VPS39: variants seen among roughly 807,000 people sequenced by gnomAD.
VPS39 encodes the protein VPS39 subunit of HOPS complex.
In VPS39, 70 loss-of-function variants were observed where a neutral mutation model predicts 121.0. That is an observed-to-expected ratio of 0.58 (90% confidence interval 0.48 to 0.71). VPS39 has a LOEUF of 0.71. Ranked by LOEUF, VPS39 falls within the 30% of genes least tolerant of loss-of-function variation. The probability of loss-of-function intolerance (pLI) is 0.00; values close to 1 mark genes in which losing one functional copy is unlikely to be tolerated. For missense variants in VPS39, 818 were observed against 1,051.5 expected (o/e 0.78, Z 3.07); for synonymous variants, 378 against 398.1 (o/e 0.95, Z 0.60).
chr15:42,173,328 A>G (rs2049382930), intron 11 of VPS39, among the ~76,000 whole-genome samples: 1 of 152,244 alleles, frequency 6.6e-6, no homozygotes, highest in Non-Finnish European at 1.5e-5. Flanking sequence ...CATTAAGAAA[A>G]GGAAGAGCTT....
chr15:42,168,378 A>G (rs1247254995), intron 12 of VPS39, among the ~76,000 whole-genome samples: 1 of 151,976 alleles, frequency 6.6e-6, no homozygotes, highest in Non-Finnish European at 1.5e-5. Flanking sequence ...AGGCAGTGGC[A>G]AGTTTGTGTG....
chr15:42,179,292 G>A (rs1402362341), intron 8 of VPS39, among the ~76,000 whole-genome samples: 4 of 151,986 alleles, frequency 2.6e-5, no homozygotes, highest in Non-Finnish European at 5.9e-5. Context: ...GGGAAAGGCC[G>A]GGTGCAGTGG....
rs557088409 is a variant in VPS39, at chr15:42,199,789, C to G, written c.139+107G>C. On this transcript the variant is annotated intron_variant, in intron 2 of 24. Transcript: ENST00000318006. The stretch of plus-strand genomic sequence containing the variant: ...TCTCCCCATTTTCCCACCGTGCTCC[C>G]TCTAACCTTCAATCTCTCTTTTAAT... The G allele has an allele frequency of 3.0e-5, 39 of 1,284,642 alleles. No individual in the cohort carries two copies. The South Asian group carries it at 5.4e-4, about 18-fold the overall frequency. 79.6% of individuals were successfully genotyped at this position (1,284,642 alleles called of 1,614,324 possible).
rs550444040 is a variant in VPS39 at position 42,207,643 on chromosome 15, A to C, written c.73+438T>G. 7.2e-5 allele frequency among the ~76,000 whole-genome samples: 11 copies of C among 152,322 alleles called. No individual in the cohort carries two copies. In the East Asian group the frequency reaches 2.1e-3, roughly 29 times the overall value. On this transcript the variant is annotated intron_variant, in intron 1 of 24. Coordinates refer to ENST00000318006, the MANE Select transcript of VPS39 (RefSeq NM_015289.5). Reference sequence around the variant, plus strand: ...AGGGGAAAAAAAAGCATATGGTGTTAACTTGTTCAATGCCCCCAAAACCAG... The same window carrying C: ...AGGGGAAAAAAAAGCATATGGTGTTCACTTGTTCAATGCCCCCAAAACCAG...
Position 42,195,922 on chromosome 15 carries a change from A to G in VPS39, c.139+3974T>C, listed in dbSNP as rs533139976. ...GTCACGCTGCCTGACTTCAAACTAT[A>G]CTACAAGGCTACAGTAACCAAAACA... is the stretch of plus-strand genomic sequence containing the variant. On this transcript the variant is annotated intron_variant, in intron 2 of 24. Transcript: ENST00000318006. 2.0e-5 allele frequency among the ~76,000 whole-genome samples: 3 copies of G among 152,340 alleles called. No individual in the cohort carries two copies. In the East Asian group the frequency reaches 5.8e-4, roughly 29 times the overall value.
intron 10 of VPS39, among the ~76,000 whole-genome samples, chr15:42,176,732 C>A (rs2049458951): frequency 6.6e-6 from 1 of 152,124 alleles, no homozygotes; most frequent in Non-Finnish European, 1.5e-5. Flanking sequence ...AGTAAATGTT[C>A]TTCACGAGTA....
At chr15:42,173,161 C>T (rs2049379728) in intron 11 of VPS39, among the ~76,000 whole-genome samples, 1 of 152,188 alleles carries the variant, frequency 6.6e-6, no homozygotes, top group Non-Finnish European at 1.5e-5. Flanking sequence ...TCATATAATC[C>T]TTATAGCAGC....
At chr15:42,178,147 G>T in intron 10 of VPS39, 71 bp downstream of exon 10, 1 of 1,598,928 alleles carries the variant, frequency 6.3e-7, no homozygotes, top group South Asian at 1.1e-5. Context: ...AAATAAATAT[G>T]AACATTGAAA....
At chr15:42,169,968 TTAA>T in intron 11 of VPS39, 102 bp from the exon 12 acceptor site, 2 of 1,245,774 alleles carry the variant, frequency 1.6e-6, no homozygotes, top group Non-Finnish European at 2.1e-6. Flanking sequence ...CCAGACTGAT[TTAA>T]AAAAAAAAAA....
chr15:42,172,437 C>A lies in VPS39; in HGVS notation c.1090+1286G>T, dbSNP rs761977475. ...ATAAAACTGCAACTGCCTGAGAGATCTGAAGCAAGGACAGTGCAGCTGACC... is the reference window on the plus strand; with the variant it reads ...ATAAAACTGCAACTGCCTGAGAGATATGAAGCAAGGACAGTGCAGCTGACC... On this transcript the variant is annotated intron_variant, in intron 11 of 24. Transcript: ENST00000318006. Among the ~76,000 whole-genome samples the A allele has an allele frequency of 5.3e-5, 8 of 152,336 alleles. No individual in the cohort carries two copies. In the East Asian group the frequency reaches 1.5e-3, roughly 29 times the overall value.
intron 4 of VPS39, among the ~76,000 whole-genome samples, chr15:42,189,582 A>C (rs1016782307): frequency 5.9e-5 from 9 of 151,846 alleles, no homozygotes; most frequent in African/African-American, 2.2e-4. Flanking sequence ...TACAAAAATC[A>C]GCTGGGTATG....
chr15:42,165,345 C>T, intron 17 of VPS39: 1 of 570,708 alleles, frequency 1.8e-6, no homozygotes, highest in Non-Finnish European at 3.1e-6. Flanking sequence ...CTAATTTTGT[C>T]CCATAATCCT....
At position 42,199,926 on chromosome 15, in the gene VPS39, G is replaced by A. The variant is rs1260607192; in HGVS notation, c.109C>T (p.Leu37Phe). 3 of 1,592,954 alleles carry A rather than the reference G, an allele frequency of 1.9e-6. No homozygotes were observed. Among genetic ancestry groups the A allele is most frequent in the South Asian group, 1.2e-5 (1 of 86,614 alleles). ...TCCTTCCGAATCCTATAGAGAAGAA[G>A]ATGTCCTTGTTTGGTTCCCACAAGA... ...WLLVGTKQGH[L>F]LLYRIRKDVG... Residue 37 changes from leucine to phenylalanine, a missense_variant, in exon 2 of 25, where the codon CTT (leucine) becomes TTT (phenylalanine). Coordinates refer to ENST00000318006, the MANE Select transcript of VPS39 (RefSeq NM_015289.5).
At chr15:42,166,743 C>CT in intron 14 of VPS39, 29 bp downstream of exon 14, 1 of 1,613,438 alleles carries the variant, frequency 6.2e-7, no homozygotes, top group Non-Finnish European at 8.5e-7. Context: ...ACAAGAGCCC[C>CT]TCCCAGATCC....
At chr15:42,189,005 G>C (rs1210366774) in intron 5 of VPS39, 109 bp downstream of exon 5, 3 of 794,566 alleles carry the variant, frequency 3.8e-6, no homozygotes, top group Non-Finnish European at 6.5e-6. Flanking sequence ...TGGAGTCTCT[G>C]TTGGGTATGG....
chr15:42,182,524 G>C (rs1243235973), intron 8 of VPS39, among the ~76,000 whole-genome samples: 1 of 152,210 alleles, frequency 6.6e-6, no homozygotes, highest in Non-Finnish European at 1.5e-5. Flanking sequence ...CAATTATTCA[G>C]CAAGCATTTT....
In VPS39 at chr15:42,167,442, C is replaced by A; in HGVS notation, c.1329G>T (p.Lys443Asn). 6.2e-7 allele frequency: 1 copy of A among 1,614,132 alleles called. No homozygotes were observed. The highest frequency in any genetic ancestry group is 8.5e-7 in the Non-Finnish European group (1 of 1,180,028). The change falls in exon 13 of 25, where the codon AAG becomes AAT. Residue 443 changes from lysine to asparagine, a missense_variant. Coordinates refer to ENST00000318006, the MANE Select transcript of VPS39 (RefSeq NM_015289.5). ...MEGTPTIKSK[K>N]KLLQIIDTTL... ...TGGTGTCGATGATTTGTAGCAGCTT[C>A]TTCTTGGATTTGATGGTGGGAGTGC...
At chr15:42,161,168 C>A in intron 24 of VPS39, 1 of 349,428 alleles carries the variant, frequency 2.9e-6, no homozygotes, top group Non-Finnish European at 5.3e-6. Flanking sequence ...AGGTTTCAGG[C>A]TAATTCTGAA....
At chr15:42,187,889 C>T in intron 5 of VPS39, 33 bp from the exon 6 acceptor site, 1 of 1,579,452 alleles carries the variant, frequency 6.3e-7, no homozygotes, top group South Asian at 1.1e-5. Context: ...AATGAAAATA[C>T]AATGACTCTC....
Sources: gnomAD v4.1 joint callset for allele counts (sites outside exome capture counted in the v4.1 genomes callset) on GRCh38, gnomAD v4.1.1 for gene constraint, MANE v1.5 for transcripts, NCBI Gene and HGNC (gene_info 2026-07-23, HGNC 2026-07-21) for gene names.